PCDH9: variants seen among roughly 807,000 people sequenced by gnomAD.
The protein encoded by PCDH9 is protocadherin-9.
A neutral mutation model predicts 70.6 loss-of-function variants in PCDH9; 24 were observed. The ratio of observed to expected loss-of-function variants is 0.34; its 90% CI spans 0.25 to 0.48. The LOEUF (loss-of-function observed/expected upper bound fraction) is 0.48, where lower values mean the gene tolerates loss of function less well. PCDH9 is among the 20% of genes least tolerant of loss of function. PCDH9 has a pLI of 0.99. For synonymous variants in PCDH9, 562 were observed against 558.5 expected, an observed-to-expected ratio of 1.01 and a Z score of -0.09; for missense variants, 1,281 against 1,503.6, an observed-to-expected ratio of 0.85 and a Z score of 2.45.
intron 3 of PCDH9, among the ~76,000 whole-genome samples, chr13:66,829,197 A>G (rs1363079105): frequency 6.6e-6 from 1 of 151,900 alleles, no homozygotes; most frequent in Non-Finnish European, 1.5e-5. Flanking sequence ...CTGTACTTTT[A>G]GTAGAGATGG....
intron 4 of PCDH9, among the ~76,000 whole-genome samples, chr13:66,454,349 T>C (rs1401575861): frequency 6.6e-6 from 1 of 152,142 alleles, no homozygotes; most frequent in African/African-American, 2.4e-5. Context: ...CTATAATGTT[T>C]AAGAACATTG....
chr13:67,000,422 G>T (rs1337721237), intron 2 of PCDH9, among the ~76,000 whole-genome samples: 1 of 151,380 alleles, frequency 6.6e-6, no homozygotes, highest in Non-Finnish European at 1.5e-5. Context: ...CATGGCACAT[G>T]TATACATATG....
intron 3 of PCDH9, among the ~76,000 whole-genome samples, chr13:66,766,124 T>C (rs1427992466): frequency 6.6e-6 from 1 of 151,084 alleles, no homozygotes; most frequent in African/African-American, 2.4e-5. Context: ...CATGGGGAGG[T>C]GTTTGGTGAT....
At chr13:67,190,555 C>G (rs2088883483) in intron 2 of PCDH9, among the ~76,000 whole-genome samples, 1 of 151,938 alleles carries the variant, frequency 6.6e-6, no homozygotes, top group Admixed American at 6.6e-5. Flanking sequence ...GAAGAATGTA[C>G]TTTCTAAGGT....
At chr13:67,029,084 G>C (rs1187500968) in intron 2 of PCDH9, among the ~76,000 whole-genome samples, 1 of 152,018 alleles carries the variant, frequency 6.6e-6, no homozygotes, top group African/African-American at 2.4e-5. Context: ...AATAAATGAG[G>C]AAAAATATGA....
chr13:66,653,154 A>G (rs957017273), intron 3 of PCDH9, among the ~76,000 whole-genome samples: 2 of 152,158 alleles, frequency 1.3e-5, no homozygotes, highest in African/African-American at 4.8e-5. Context: ...AGATCACATC[A>G]AGTTAAAAAG....
At chr13:66,461,034 T>A (rs1260392925) in intron 4 of PCDH9, among the ~76,000 whole-genome samples, 1 of 151,908 alleles carries the variant, frequency 6.6e-6, no homozygotes, top group Non-Finnish European at 1.5e-5. Flanking sequence ...AGAAGGTTAA[T>A]GCTGGGCAAC....
At chr13:66,913,006 A>G (rs1167957390) in intron 2 of PCDH9, among the ~76,000 whole-genome samples, 1 of 152,138 alleles carries the variant, frequency 6.6e-6, no homozygotes, top group East Asian at 1.9e-4. Flanking sequence ...GCCAGTCTTT[A>G]GAAACAGTCT....
chr13:66,407,083 C>A (rs1957292525), intron 4 of PCDH9, among the ~76,000 whole-genome samples: 2 of 152,196 alleles, frequency 1.3e-5, no homozygotes, highest in Non-Finnish European at 2.9e-5. Context: ...AAAAGACACA[C>A]TTAAAAGCAT....
intron 3 of PCDH9, among the ~76,000 whole-genome samples, chr13:66,793,579 T>C (rs941698986): frequency 2.6e-5 from 4 of 152,164 alleles, no homozygotes; most frequent in Non-Finnish European, 4.4e-5. Flanking sequence ...TTATAACTAG[T>C]GTCAGAACAT....
chr13:66,636,561 C>T (rs1469856816), intron 3 of PCDH9, among the ~76,000 whole-genome samples: 1 of 152,082 alleles, frequency 6.6e-6, no homozygotes, highest in East Asian at 1.9e-4. Context: ...GAATGTTATA[C>T]ATTGATATTA....
At chr13:67,115,077 A>C (rs1033684924) in intron 2 of PCDH9, among the ~76,000 whole-genome samples, 1 of 152,206 alleles carries the variant, frequency 6.6e-6, no homozygotes, top group African/African-American at 2.4e-5. Flanking sequence ...AGTACATAGC[A>C]GGGGTTAATT....
At chr13:67,117,513 T>C (rs2086801136) in intron 2 of PCDH9, among the ~76,000 whole-genome samples, 2 of 151,990 alleles carry the variant, frequency 1.3e-5, no homozygotes, top group African/African-American at 4.8e-5. Context: ...ATGTTGAAAG[T>C]GGCTTAATGA....
chr13:67,185,966 A>G (rs1248355905), intron 2 of PCDH9, among the ~76,000 whole-genome samples: 4 of 152,306 alleles, frequency 2.6e-5, no homozygotes, highest in Admixed American at 1.3e-4. Context: ...TCCCGACCTC[A>G]GGTGATCTGC....
At chr13:66,698,554 T>C (rs979887749) in intron 3 of PCDH9, among the ~76,000 whole-genome samples, 2 of 152,194 alleles carry the variant, frequency 1.3e-5, no homozygotes, top group Non-Finnish European at 2.9e-5. Flanking sequence ...CCCTTTTAGA[T>C]GGGAAAGAAT....
At chr13:66,761,914 G>T (rs546712900) in intron 3 of PCDH9, among the ~76,000 whole-genome samples, 1 of 150,948 alleles carries the variant, frequency 6.6e-6, no homozygotes, top group Admixed American at 6.6e-5. Context: ...TGTCCATTTG[G>T]TAGTGTCATT....
intron 3 of PCDH9, among the ~76,000 whole-genome samples, chr13:66,856,321 CTT>C (rs1189442476): frequency 6.6e-6 from 1 of 152,012 alleles, no homozygotes; most frequent in Non-Finnish European, 1.5e-5. Flanking sequence ...CAGGTAATCT[CTT>C]TTCAACTTAT....
At chr13:66,430,134 C>T (rs375403395) in intron 4 of PCDH9, among the ~76,000 whole-genome samples, 1 of 152,024 alleles carries the variant, frequency 6.6e-6, no homozygotes, top group Non-Finnish European at 1.5e-5. Context: ...ATGCTTACTA[C>T]AAACATTCAG....
intron 2 of PCDH9, among the ~76,000 whole-genome samples, chr13:67,047,408 T>A (rs2085243771): frequency 6.6e-6 from 1 of 152,182 alleles, no homozygotes; most frequent in Non-Finnish European, 1.5e-5. Flanking sequence ...GGCATTTATA[T>A]TTCTCATATA....
Sources: allele counts gnomAD v4.1 joint callset (sites outside exome capture counted in the v4.1 genomes callset), GRCh38; gene constraint gnomAD v4.1.1; transcripts MANE v1.5; gene names NCBI Gene and HGNC (gene_info 2026-07-23, HGNC 2026-07-21).